PCSK6: variants seen among roughly 807,000 people sequenced by gnomAD.
The protein encoded by PCSK6 is paired basic amino acid cleaving enzyme 4.
Under a neutral mutation model 123.3 loss-of-function variants are expected in PCSK6, and 85 were observed. That is an observed-to-expected ratio of 0.69 (90% CI 0.58 to 0.83). The LOEUF is 0.83. PCSK6 is among the 40% of genes least tolerant of loss of function. PCSK6 has a pLI of 0.00. For synonymous variants in PCSK6, 508 were observed against 516.0 expected (o/e 0.98, Z 0.21); for missense variants, 1,191 against 1,282.3 (o/e 0.93, Z 1.09).
chr15:101,390,074 G>T (rs1282811510), intron 8 of PCSK6, among the ~76,000 whole-genome samples: 1 of 140,732 alleles, frequency 7.1e-6, no homozygotes, highest in Non-Finnish European at 1.5e-5. Context: ...TAGCCAGTAG[G>T]TCATAAGCTG....
At position 101,364,921 on chromosome 15, in the gene PCSK6, G is replaced by A. The variant is rs372998470; in HGVS notation, c.1858+1275C>T. 1.2e-3 allele frequency: 901 copies of A among 723,178 alleles called. 4 individuals are homozygous for A. Among genetic ancestry groups the A allele is most frequent in the Non-Finnish European group, 1.9e-3 (731 of 382,152 alleles). 44.8% of individuals were successfully genotyped at this position (723,178 alleles called of 1,614,324 possible). On this transcript the variant is annotated intron_variant, in intron 13 of 21. Transcript: ENST00000611716. The stretch of plus-strand genomic sequence containing the variant: ...TTTCAAAACTTACTACAAAGCTACA[G>A]TGATCAAAACAATATGGTACTGACT...
chr15:101,405,416 G>A (rs767755155), intron 6 of PCSK6, among the ~76,000 whole-genome samples: 9 of 152,144 alleles, frequency 5.9e-5, no homozygotes, highest in Admixed American at 1.3e-4. Flanking sequence ...GTGTGAGGCG[G>A]GAGGAGTGTT....
chr15:101,337,860 G>A (rs557574688), intron 13 of PCSK6, among the ~76,000 whole-genome samples: 38 of 152,256 alleles, frequency 2.5e-4, no homozygotes, highest in East Asian at 2.1e-3. Context: ...CCCTGTGAAC[G>A]TGACCATTTG....
chr15:101,408,254 G>A (rs1447643663), intron 6 of PCSK6, among the ~76,000 whole-genome samples: 2 of 152,228 alleles, frequency 1.3e-5, no homozygotes, highest in Admixed American at 6.5e-5. Flanking sequence ...AAAAGGAGAC[G>A]TTCATGCCGC....
At chr15:101,396,674 C>T (rs752815178) in intron 7 of PCSK6, among the ~76,000 whole-genome samples, 2 of 152,026 alleles carry the variant, frequency 1.3e-5, no homozygotes, top group African/African-American at 4.8e-5. Flanking sequence ...TGGTCATACC[C>T]GAGTGTGCCA....
chr15:101,462,919 G>A (rs1299622341), intron 1 of PCSK6: 2 of 437,576 alleles, frequency 4.6e-6, no homozygotes, highest in African/African-American at 4.0e-5. Context: ...CAAGTCTGTG[G>A]AGAAAGGTCA....
At chr15:101,432,852 T>C (rs754311971) in intron 2 of PCSK6, among the ~76,000 whole-genome samples, 23 of 152,194 alleles carry the variant, frequency 1.5e-4, no homozygotes, top group African/African-American at 5.3e-4. Flanking sequence ...TAAGTAAATA[T>C]GGTAAGCCAT....
chr15:101,348,318 G>A (rs1440817997), intron 13 of PCSK6, among the ~76,000 whole-genome samples: 2 of 152,270 alleles, frequency 1.3e-5, no homozygotes, highest in East Asian at 1.9e-4. Context: ...AAGGCCTGAC[G>A]ACAGCAGGGC....
At chr15:101,335,708 T>A (rs775166353) in intron 13 of PCSK6, among the ~76,000 whole-genome samples, 1 of 152,240 alleles carries the variant, frequency 6.6e-6, no homozygotes, top group Non-Finnish European at 1.5e-5. Flanking sequence ...CCCCTACTCA[T>A]GGACGTTTAG....
chr15:101,328,329 G>A (rs995884349), intron 15 of PCSK6, among the ~76,000 whole-genome samples: 53 of 152,302 alleles, frequency 3.5e-4, no homozygotes, highest in African/African-American at 1.2e-3. Flanking sequence ...ACAGGGAGGC[G>A]GCAGACCAAT....
intron 1 of PCSK6, among the ~76,000 whole-genome samples, chr15:101,477,286 T>C (rs1282665601): frequency 6.6e-6 from 1 of 152,132 alleles, no homozygotes; most frequent in South Asian, 2.1e-4. Flanking sequence ...TGTGCATGCA[T>C]ACCTACACAG....
chr15:101,383,870 A>AT (rs11333988), intron 10 of PCSK6, among the ~76,000 whole-genome samples: 3 of 151,960 alleles, frequency 2.0e-5, no homozygotes, highest in Non-Finnish European at 4.4e-5. Flanking sequence ...TTTAAAATAC[A>AT]TTTTTTTATG....
chr15:101,379,686 G>A (rs2041856413), intron 11 of PCSK6, among the ~76,000 whole-genome samples: 1 of 152,250 alleles, frequency 6.6e-6, no homozygotes. Context: ...CGTGCACGGA[G>A]AGGGGGCAGT....
chr15:101,406,779 C>G (rs1027357064), intron 6 of PCSK6, among the ~76,000 whole-genome samples: 1 of 152,000 alleles, frequency 6.6e-6, no homozygotes, highest in African/African-American at 2.4e-5. Context: ...TGGGGACGCG[C>G]GGGGGATCAC....
At position 101,307,229 on chromosome 15, in the gene PCSK6, G is replaced by T; in HGVS notation, c.2796C>A (p.Asn932Lys). The T allele has an allele frequency of 3.7e-6, 6 of 1,613,228 alleles. No homozygotes were observed. The highest frequency in any genetic ancestry group is 5.1e-6 in the Non-Finnish European group (6 of 1,179,340). Residue 932 changes from asparagine to lysine, a missense_variant, in exon 21 of 22, where the codon AAC (asparagine) becomes AAA (lysine). Asn to Lys is a moderately conservative substitution (Grantham distance 94). Transcript: ENST00000611716. ...FTQLGTSCIT[N>K]HTCSNADETF... The stretch of plus-strand genomic sequence containing the variant: ...GCTGCTCACCGTTGCTGCACGTGTG[G>T]TTGGTGATGCAGGAGGTCCCCAGCT...
At chr15:101,438,042 C>T (rs1317421338) in intron 2 of PCSK6, among the ~76,000 whole-genome samples, 1 of 152,168 alleles carries the variant, frequency 6.6e-6, no homozygotes, top group East Asian at 1.9e-4. Context: ...GAGGGACAAC[C>T]ACGTGAGGAT....
At chr15:101,420,276 G>A (rs185618326) in intron 6 of PCSK6, among the ~76,000 whole-genome samples, 6 of 149,920 alleles carry the variant, frequency 4.0e-5, no homozygotes, top group Non-Finnish European at 5.9e-5. Flanking sequence ...AGTTTTTAGA[G>A]GAAATACAAA....
At chr15:101,354,350 C>T (rs987572632) in intron 13 of PCSK6, among the ~76,000 whole-genome samples, 1 of 152,226 alleles carries the variant, frequency 6.6e-6, no homozygotes. Context: ...CTCACACATG[C>T]ACACATATAT....
intron 2 of PCSK6, among the ~76,000 whole-genome samples, chr15:101,440,536 G>C (rs1056842993): frequency 9.9e-5 from 15 of 152,202 alleles, no homozygotes; most frequent in African/African-American, 3.1e-4. Flanking sequence ...ATACAATAGG[G>C]ACTGGAACTA....
Sources: gnomAD v4.1 joint callset for allele counts (sites outside exome capture counted in the v4.1 genomes callset) on GRCh38, gnomAD v4.1.1 for gene constraint, MANE v1.5 for transcripts, NCBI Gene and HGNC (gene_info 2026-07-23, HGNC 2026-07-21) for gene names.